Variants in TMEM123 observed in about 807,000 individuals in gnomAD.
TMEM123 encodes the protein transmembrane protein 123.
A neutral mutation model predicts 19.7 loss-of-function variants in TMEM123; 16 were observed. The observed-to-expected ratio is 0.81, with a 90% CI of 0.55 to 1.23. TMEM123 has a LOEUF of 1.23. Among genes scored for constraint, TMEM123 ranks in the 50% most tolerant of loss-of-function variants. The pLI is 0.00. For missense variants in TMEM123, 313 were observed against 257.8 expected, an observed-to-expected ratio of 1.21 and a Z score of -1.47; for synonymous variants, 118 against 99.4, an observed-to-expected ratio of 1.19 and a Z score of -1.12.
At chr11:102,406,450 C>A (rs1036873254) in intron 2 of TMEM123, among the ~76,000 whole-genome samples, 1 of 152,178 alleles carries the variant, frequency 6.6e-6, no homozygotes, top group Non-Finnish European at 1.5e-5. Flanking sequence ...TGAGCTCTAT[C>A]TACCCATCAG....
chr11:102,452,196 C>G (rs1263894635), intron 1 of TMEM123: 1 of 242,600 alleles, frequency 4.1e-6, no homozygotes, highest in Non-Finnish European at 7.9e-6. Context: ...ACTCTAACCT[C>G]GGCAAACATT....
chr11:102,416,419 G>C (rs1419631427), intron 2 of TMEM123, among the ~76,000 whole-genome samples: 1 of 151,982 alleles, frequency 6.6e-6, no homozygotes, highest in Non-Finnish European at 1.5e-5. Context: ...AGAAGAAATG[G>C]ATAAATTCTC....
intron 2 of TMEM123, among the ~76,000 whole-genome samples, chr11:102,407,163 AG>A (rs1019072188): frequency 6.6e-6 from 1 of 152,234 alleles, no homozygotes; most frequent in Non-Finnish European, 1.5e-5. Flanking sequence ...AAACAGCAGA[AG>A]TGAGGAGAAG....
intron 2 of TMEM123, chr11:102,448,263 A>G (rs1278472935): frequency 2.2e-6 from 1 of 456,274 alleles, no homozygotes; most frequent in South Asian, 1.5e-5. Context: ...GATATTGATG[A>G]CATCAGCCTG....
At chr11:102,424,304 T>G (rs375068807) in intron 2 of TMEM123, among the ~76,000 whole-genome samples, 12 of 152,342 alleles carry the variant, frequency 7.9e-5, no homozygotes, top group East Asian at 7.7e-4. Context: ...AGTGAATACT[T>G]TATCATGTAT....
At chr11:102,404,198 A>C (rs758240102) in intron 2 of TMEM123, among the ~76,000 whole-genome samples, 2 of 152,216 alleles carry the variant, frequency 1.3e-5, no homozygotes, top group Non-Finnish European at 2.9e-5. Context: ...CACTGTTGTC[A>C]AGTACCAAAA....
rs146410410 is a variant in TMEM123, at chr11:102,420,980, G to A, written c.158-18774C>T. On this transcript the variant is annotated intron_variant, in intron 2 of 4. Transcript: ENST00000398136. ...AAGAATTGCTTGAACTCAGGAGGCG[G>A]AGGTTGCAGTGAGTCAAGATGGTGC... 4.9e-3 allele frequency among the ~76,000 whole-genome samples: 743 copies of A among 152,296 alleles called. 9 individuals carry two copies. Among genetic ancestry groups the A allele is most frequent in the African/African-American group, 0.017 (696 of 41,554 alleles).
chr11:102,436,767 T>C (rs1678193702), intron 2 of TMEM123, among the ~76,000 whole-genome samples: 1 of 152,210 alleles, frequency 6.6e-6, no homozygotes, highest in African/African-American at 2.4e-5. Flanking sequence ...CATGGGAATC[T>C]AGAGCAAGCC....
chr11:102,451,854 G>A (rs1012254187), intron 1 of TMEM123, among the ~76,000 whole-genome samples: 1 of 152,204 alleles, frequency 6.6e-6, no homozygotes, highest in Non-Finnish European at 1.5e-5. Context: ...TGCCCTTAAC[G>A]CTGCGCAGCT....
intron 2 of TMEM123, among the ~76,000 whole-genome samples, chr11:102,431,825 G>A (rs1423026625): frequency 2.0e-5 from 3 of 152,034 alleles, no homozygotes; most frequent in East Asian, 1.9e-4. Flanking sequence ...ACTGAATCAT[G>A]GGGGCAGTTT....
intron 2 of TMEM123, among the ~76,000 whole-genome samples, chr11:102,414,895 C>A (rs543383594): frequency 2.0e-5 from 3 of 152,228 alleles, no homozygotes; most frequent in Admixed American, 1.3e-4. Flanking sequence ...TTAAAAGGTA[C>A]AGAATGGCAA....
chr11:102,440,587 G>C (rs1857814847), intron 2 of TMEM123, among the ~76,000 whole-genome samples: 1 of 152,156 alleles, frequency 6.6e-6, no homozygotes, highest in African/African-American at 2.4e-5. Flanking sequence ...ACCAGCCACT[G>C]CAAAAACATG....
intron 2 of TMEM123, among the ~76,000 whole-genome samples, chr11:102,425,032 C>T (rs902066223): frequency 6.6e-6 from 1 of 152,172 alleles, no homozygotes; most frequent in Non-Finnish European, 1.5e-5. Flanking sequence ...GAAGAATATC[C>T]TAATTTGTAT....
chr11:102,414,426 G>C (rs1272649999), intron 2 of TMEM123, among the ~76,000 whole-genome samples: 3 of 152,034 alleles, frequency 2.0e-5, no homozygotes, highest in South Asian at 4.2e-4. Flanking sequence ...CAACACAAAA[G>C]GAAAAATACT....
chr11:102,416,314 G>A (rs1282958492), intron 2 of TMEM123, among the ~76,000 whole-genome samples: 1 of 152,120 alleles, frequency 6.6e-6, no homozygotes, highest in Non-Finnish European at 1.5e-5. Flanking sequence ...AATCAGAAAT[G>A]ATAAAGGAAA....
chr11:102,446,904 C>T (rs538573236), intron 2 of TMEM123, among the ~76,000 whole-genome samples: 1 of 152,214 alleles, frequency 6.6e-6, no homozygotes, highest in South Asian at 2.1e-4. Flanking sequence ...AGAAACTGCA[C>T]TAAATAAATA....
At chr11:102,412,090 A>T (rs1203733149) in intron 2 of TMEM123, among the ~76,000 whole-genome samples, 1 of 152,030 alleles carries the variant, frequency 6.6e-6, no homozygotes, top group Non-Finnish European at 1.5e-5. Flanking sequence ...GCGAAATTCT[A>T]CTCATGTTCA....
chr11:102,443,166 T>G (rs1857845232), intron 2 of TMEM123, among the ~76,000 whole-genome samples: 1 of 152,310 alleles, frequency 6.6e-6, no homozygotes, highest in Non-Finnish European at 1.5e-5. Context: ...AAGCTACCAA[T>G]GACTTTCTTC....
intron 2 of TMEM123, among the ~76,000 whole-genome samples, chr11:102,402,784 C>G (rs1951924718): frequency 6.6e-6 from 1 of 152,210 alleles, no homozygotes; most frequent in Admixed American, 6.5e-5. Flanking sequence ...ATGTGGCTAG[C>G]TGTCATACTG....
Sources: allele counts gnomAD v4.1 joint callset (sites outside exome capture counted in the v4.1 genomes callset), GRCh38; gene constraint gnomAD v4.1.1; transcripts MANE v1.5; gene names NCBI Gene and HGNC (gene_info 2026-07-23, HGNC 2026-07-21).